Variants in NT5C2 observed in about 807,000 individuals in gnomAD.
The protein encoded by NT5C2 is 5'-nucleotidase, cytosolic II.
NT5C2 carries 58 observed loss-of-function variants against 76.1 expected under a neutral mutation model. The observed-to-expected ratio is 0.76, with a 90% CI of 0.62 to 0.95. NT5C2 has a LOEUF of 0.95. Among genes scored for constraint, NT5C2 ranks in the 40% least tolerant of loss-of-function variants. NT5C2 has a pLI of 0.00. For synonymous variants in NT5C2, 229 were observed against 237.4 expected (o/e 0.96, Z 0.32); for missense variants, 478 against 690.3 (o/e 0.69, Z 3.45).
chr10:103,144,179 A>T (rs2081082480), intron 3 of NT5C2, among the ~76,000 whole-genome samples: 1 of 152,222 alleles, frequency 6.6e-6, no homozygotes. Context: ...ACAGATTCTT[A>T]ATTCAGGCTA....
intron 6 of NT5C2, among the ~76,000 whole-genome samples, chr10:103,102,521 T>C (rs547496560): frequency 6.6e-6 from 1 of 152,008 alleles, no homozygotes; most frequent in East Asian, 1.9e-4. Context: ...CTCAGAATTT[T>C]TTCTTTTTTC....
At chr10:103,099,872 C>T (rs190863139) in intron 9 of NT5C2, 54 bp downstream of exon 9, 501 of 1,114,602 alleles carry the variant, frequency 4.5e-4, no homozygotes, top group Admixed American at 6.7e-4. Flanking sequence ...GTTAATGCCA[C>T]GCCATAAAAT....
intron 3 of NT5C2, among the ~76,000 whole-genome samples, chr10:103,162,924 T>A (rs1175732466): frequency 6.6e-6 from 1 of 152,070 alleles, no homozygotes; most frequent in Non-Finnish European, 1.5e-5. Flanking sequence ...CCCAAAAAAC[T>A]CTCCCCTACT....
At chr10:103,158,524 A>G (rs2083962323) in intron 3 of NT5C2, among the ~76,000 whole-genome samples, 2 of 152,206 alleles carry the variant, frequency 1.3e-5, no homozygotes, top group Non-Finnish European at 2.9e-5. Context: ...AAAATCAAGA[A>G]TAAAAGCAGA....
Position 103,093,293 on chromosome 10 carries a change from G to C in NT5C2, c.1005C>G (p.Ile335Met). 1 of 1,589,584 alleles carries C rather than the reference G, an allele frequency of 6.3e-7. No individual in the cohort carries two copies. The highest frequency in any genetic ancestry group is 8.5e-7 in the Non-Finnish European group (1 of 1,170,254). ...TTCCCTTGGCTCCCAACAGGTCACA[G>C]ATCGTATCAGAAGAACCTGAACCAA... is the stretch of plus-strand genomic sequence containing the variant. ...IVYSGGSSDT[I>M]CDLLGAKGKD... Residue 335 changes from isoleucine to methionine, a missense_variant, in exon 15 of 19, where the codon ATC becomes ATG. Coordinates refer to ENST00000404739, the MANE Select transcript of NT5C2 (RefSeq NM_001351169.2).
chr10:103,163,805 T>A (rs1591637025), intron 3 of NT5C2, among the ~76,000 whole-genome samples: 1 of 138,774 alleles, frequency 7.2e-6, no homozygotes. Flanking sequence ...TCACTTGAGG[T>A]CAGGAGTTCA....
chr10:103,183,880 T>C (rs1196359031), intron 1 of NT5C2, among the ~76,000 whole-genome samples: 1 of 152,100 alleles, frequency 6.6e-6, no homozygotes, highest in Non-Finnish European at 1.5e-5. Flanking sequence ...TTGAAACTGT[T>C]GCATTTAAAT....
intron 4 of NT5C2, among the ~76,000 whole-genome samples, chr10:103,135,134 T>G (rs1279010605): frequency 6.6e-6 from 1 of 152,210 alleles, no homozygotes; most frequent in Non-Finnish European, 1.5e-5. Flanking sequence ...GAGTTAAGAC[T>G]TTGGGGGACT....
In NT5C2 at chr10:103,094,028, T is replaced by C. The variant is rs1258565894; in HGVS notation, c.932A>G (p.Lys311Arg). ...CCCTGTGTAGGTACCAATTTTCAGC[T>C]TGCCAGTTTTCTGTATGAAGAATAT... ...VLRQVDTKTG[K>R]LKIGTYTGPL... The change falls in exon 14 of 19, where the codon AAG becomes AGG. Residue 311 changes from lysine (K) to arginine (R), a missense_variant. By Grantham distance (26) the Lys-to-Arg change is conservative. Coordinates refer to ENST00000404739, the MANE Select transcript of NT5C2 (RefSeq NM_001351169.2). 2 of 1,613,606 alleles carry C rather than the reference T, an allele frequency of 1.2e-6. No individual in the cohort carries two copies. Among genetic ancestry groups the C allele is most frequent in the South Asian group, 2.2e-5 (2 of 91,066 alleles).
At chr10:103,188,440 C>G (rs2092306819) in intron 1 of NT5C2, among the ~76,000 whole-genome samples, 1 of 151,988 alleles carries the variant, frequency 6.6e-6, no homozygotes, top group South Asian at 2.1e-4. Context: ...AAAGCAAAAC[C>G]ATACAATTTA....
intron 9 of NT5C2, 61 bp downstream of exon 9, chr10:103,099,865 A>G (rs1008670386): frequency 8.5e-6 from 9 of 1,060,374 alleles, no homozygotes; most frequent in Non-Finnish European, 1.3e-5. Flanking sequence ...TTGGAAAGTT[A>G]ATGCCACGCC....
chr10:103,092,587 T>C (rs1370703389), intron 15 of NT5C2, among the ~76,000 whole-genome samples: 1 of 152,244 alleles, frequency 6.6e-6, no homozygotes, highest in African/African-American at 2.4e-5. Flanking sequence ...GCTGGAGAAC[T>C]TGTATATCAA....
At chr10:103,096,357 C>T (rs1035592339) in intron 11 of NT5C2, among the ~76,000 whole-genome samples, 1 of 152,188 alleles carries the variant, frequency 6.6e-6, no homozygotes, top group Non-Finnish European at 1.5e-5. Context: ...AACAAACCAA[C>T]GGTTTATGTA....
At chr10:103,157,256 C>A (rs912749120) in intron 3 of NT5C2, among the ~76,000 whole-genome samples, 3 of 151,862 alleles carry the variant, frequency 2.0e-5, no homozygotes, top group Admixed American at 6.6e-5. Context: ...ACGAACTAAT[C>A]CAAGGAACTA....
At chr10:103,190,168 T>C (rs1223496571) in intron 1 of NT5C2, among the ~76,000 whole-genome samples, 4 of 151,252 alleles carry the variant, frequency 2.6e-5, no homozygotes, top group Non-Finnish European at 5.9e-5. Flanking sequence ...GCCTGATTAA[T>C]TTTTGTATTT....
intron 3 of NT5C2, chr10:103,146,394 G>A (rs1404293140): frequency 1.0e-5 from 10 of 985,190 alleles, no homozygotes; most frequent in Non-Finnish European, 1.2e-5. Context: ...TGAGACTAAG[G>A]ATTCAAGTAT....
chr10:103,159,442 A>G (rs1322175606), intron 3 of NT5C2, among the ~76,000 whole-genome samples: 1 of 152,108 alleles, frequency 6.6e-6, no homozygotes, highest in Non-Finnish European at 1.5e-5. Flanking sequence ...AAATAATGAA[A>G]GACACCAGAC....
intron 4 of NT5C2, among the ~76,000 whole-genome samples, chr10:103,119,819 G>A (rs1478255600): frequency 6.6e-6 from 1 of 152,114 alleles, no homozygotes; most frequent in Non-Finnish European, 1.5e-5. Flanking sequence ...AAAAAGGCGT[G>A]GCCAGTTGCA....
At position 103,089,646 on chromosome 10, in the gene NT5C2, G is replaced by A. The variant is rs2134443667; in HGVS notation, c.*26C>T. On this transcript the variant is annotated 3_prime_UTR_variant, in exon 19 of 19. Transcript: ENST00000404739. ...GAGTCCTGCCAGGACTTGTTTAATGGGTGCTTGGGGTTTTGGTTTTCCTCC... is the reference window on the plus strand; with the variant it reads ...GAGTCCTGCCAGGACTTGTTTAATGAGTGCTTGGGGTTTTGGTTTTCCTCC... 6.4e-7 allele frequency: 1 copy of A among 1,555,946 alleles called. No individual in the cohort carries two copies.
Sources: allele counts gnomAD v4.1 joint callset (sites outside exome capture counted in the v4.1 genomes callset), GRCh38; gene constraint gnomAD v4.1.1; transcripts MANE v1.5; gene names NCBI Gene and HGNC (gene_info 2026-07-23, HGNC 2026-07-21).